Variants in PDE9A observed in about 807,000 individuals in gnomAD.
The protein encoded by PDE9A is high affinity cGMP-specific 3',5'-cyclic phosphodiesterase 9A.
PDE9A carries 60 observed loss-of-function variants against 87.4 expected under a neutral mutation model. The observed-to-expected ratio is 0.69, with a 90% CI of 0.56 to 0.85. The LOEUF is 0.85. Ranked by LOEUF, PDE9A falls within the 40% of genes least tolerant of loss-of-function variation. PDE9A has a pLI of 0.00. For synonymous variants in PDE9A, 272 were observed against 279.4 expected (o/e 0.97, Z 0.27); for missense variants, 665 against 779.0 (o/e 0.85, Z 1.74).
At chr21:42,724,592 G>C in intron 4 of PDE9A, 1 of 985,370 alleles carries the variant, frequency 1.0e-6, no homozygotes, top group South Asian at 4.7e-5. Context: ...TAAAGAGGCG[G>C]TTCCGTGAGC....
intron 8 of PDE9A, among the ~76,000 whole-genome samples, chr21:42,749,342 G>T (rs912976279): frequency 1.3e-5 from 2 of 152,086 alleles, no homozygotes; most frequent in African/African-American, 4.8e-5. Flanking sequence ...ACCCACCATC[G>T]TCCAAGTACA....
intron 10 of PDE9A, 150 bp downstream of exon 10, chr21:42,754,214 A>G: frequency 1.7e-6 from 1 of 596,406 alleles, no homozygotes; most frequent in Admixed American, 3.0e-5. Flanking sequence ...TTGTTTTGCC[A>G]GGTTTTAGTT....
At chr21:42,666,155 G>A (rs1350199103) in intron 1 of PDE9A, among the ~76,000 whole-genome samples, 1 of 152,056 alleles carries the variant, frequency 6.6e-6, no homozygotes. Flanking sequence ...GAGAGGGCGT[G>A]GTCATTCGTG....
chr21:42,678,583 G>T (rs2058982149), intron 1 of PDE9A, among the ~76,000 whole-genome samples: 1 of 152,230 alleles, frequency 6.6e-6, no homozygotes, highest in Admixed American at 6.5e-5. Flanking sequence ...GAAAGCAGAG[G>T]CTGGACATTG....
chr21:42,770,953 A>G (rs2056974785), intron 18 of PDE9A, among the ~76,000 whole-genome samples, 155 bp downstream of exon 18: 1 of 152,232 alleles, frequency 6.6e-6, no homozygotes, highest in Admixed American at 6.5e-5. Flanking sequence ...AGCCTGGCTC[A>G]GTAAAATTAG....
At chr21:42,680,609 T>C (rs1215292038) in intron 1 of PDE9A, among the ~76,000 whole-genome samples, 1 of 152,250 alleles carries the variant, frequency 6.6e-6, no homozygotes, top group Non-Finnish European at 1.5e-5. Context: ...CTGACAGGGC[T>C]GGGCCATGGC....
At chr21:42,699,336 C>T (rs2060313767) in intron 4 of PDE9A, among the ~76,000 whole-genome samples, 1 of 152,142 alleles carries the variant, frequency 6.6e-6, no homozygotes, top group African/African-American at 2.4e-5. Context: ...GGTCTATGGC[C>T]GTTCCATTGG....
At chr21:42,700,134 T>G (rs1039078725) in intron 4 of PDE9A, among the ~76,000 whole-genome samples, 1 of 152,204 alleles carries the variant, frequency 6.6e-6, no homozygotes, top group Non-Finnish European at 1.5e-5. Context: ...TGTACTCTTT[T>G]TGACTCAACA....
chr21:42,660,412 G>C lies in PDE9A; in HGVS notation c.69+6529G>C, dbSNP rs2057393493. On this transcript the variant is annotated intron_variant, in intron 1 of 19. Transcript: ENST00000291539. The surrounding 1 kb of genome is among the most constrained non-coding windows in gnomAD (Gnocchi z 4.7). ...TCAGTGCCTGGCTTGTGGAGGTTGA[G>C]ACCAAGGCCAGTTGGGTGCTTGCAT... is the stretch of plus-strand genomic sequence containing the variant. Among the ~76,000 whole-genome samples, 1 of 152,158 alleles carries C rather than the reference G, an allele frequency of 6.6e-6. No individual in the cohort carries two copies. The highest frequency in any genetic ancestry group is 2.4e-5 in the African/African-American group (1 of 41,430).
Position 42,760,935 on chromosome 21 carries a change from C to G in PDE9A, c.1085+28C>G. Reference sequence around the variant, plus strand: ...ATGTACAGGATTTTCTCTTTTTTTCCTTTTAAAAGGCACCCTGGCTACTGG... The same window carrying G: ...ATGTACAGGATTTTCTCTTTTTTTCGTTTTAAAAGGCACCCTGGCTACTGG... On this transcript the variant is annotated intron_variant, in intron 13 of 19. Coordinates refer to ENST00000291539, the MANE Select transcript of PDE9A (RefSeq NM_002606.3). The surrounding 1 kb of genome is among the most constrained non-coding windows in gnomAD (Gnocchi z 5.2). 1 of 1,483,590 alleles carries G rather than the reference C, an allele frequency of 6.7e-7. No individual in the cohort carries two copies. The highest frequency in any genetic ancestry group is 9.4e-7 in the Non-Finnish European group (1 of 1,061,178). 91.9% of individuals were successfully genotyped at this position (1,483,590 alleles called of 1,614,324 possible).
At chr21:42,686,067 G>T in intron 1 of PDE9A, 125 bp from the exon 2 acceptor site, 1 of 672,214 alleles carries the variant, frequency 1.5e-6, no homozygotes. Context: ...CCCGTGCGTA[G>T]AGTTACAGCT....
rs2146166324 is a variant in PDE9A at position 42,685,701 on chromosome 21, C to T, written c.70-491C>T. Among the ~76,000 whole-genome samples, 3 of 152,250 alleles carry T rather than the reference C, an allele frequency of 2.0e-5. No individual in the cohort carries two copies. The South Asian group carries it at 6.2e-4, about 32-fold the overall frequency. ...CAGGATGGTCTGGAACTCCTGATCT[C>T]AGGTGATCCACCCGCCTCTGCCTCC... On this transcript the variant is annotated intron_variant, in intron 1 of 19. Coordinates refer to ENST00000291539, the MANE Select transcript of PDE9A (RefSeq NM_002606.3).
In PDE9A at chr21:42,686,145, G is replaced by A. The variant is rs759286331; in HGVS notation, c.70-47G>A. The A allele has an allele frequency of 8.2e-5, 121 of 1,476,442 alleles. 1 individual carries two copies. The highest frequency in any genetic ancestry group is 5.1e-4 in the Middle Eastern group (3 of 5,846). The allele number at this position is 1,476,442 out of a possible 1,614,324, so 91.5% of individuals were successfully genotyped here. On this transcript the variant is annotated intron_variant, in intron 1 of 19. Coordinates refer to ENST00000291539, the MANE Select transcript of PDE9A (RefSeq NM_002606.3). ...GCACGTGGCGTCTGACGTCTCCAGGGAGACCCGCCGCCCTCGCTGCCGCCT... is the reference window on the plus strand; with the variant it reads ...GCACGTGGCGTCTGACGTCTCCAGGAAGACCCGCCGCCCTCGCTGCCGCCT...
At position 42,661,114 on chromosome 21, in the gene PDE9A, C is replaced by T. The variant is rs1054811719; in HGVS notation, c.69+7231C>T. Among the ~76,000 whole-genome samples, 6 of 151,786 alleles carry T rather than the reference C, an allele frequency of 4.0e-5. No individual in the cohort carries two copies. In the East Asian group the frequency reaches 7.7e-4, roughly 20 times the overall value. ...TGGCGTGATCTCGGCTCACTGCAAC[C>T]TCCGCCTCCCAGGTTCAAGGAATTC... On this transcript the variant is annotated intron_variant, in intron 1 of 19. Coordinates refer to ENST00000291539, the MANE Select transcript of PDE9A (RefSeq NM_002606.3).
chr21:42,698,291 C>A (rs1156371398), intron 3 of PDE9A, among the ~76,000 whole-genome samples: 1 of 152,208 alleles, frequency 6.6e-6, no homozygotes, highest in Admixed American at 6.5e-5. Flanking sequence ...CAAGGAATAG[C>A]ATCTGCCTGG....
chr21:42,753,010 TTTA>T (rs1001875074), intron 9 of PDE9A, among the ~76,000 whole-genome samples: 4 of 123,618 alleles, frequency 3.2e-5, no homozygotes, highest in South Asian at 3.5e-4. Flanking sequence ...TTGCCCTTTT[TTTA>T]TTATTATTTT....
At chr21:42,687,057 C>G (rs2146187405) in intron 2 of PDE9A, among the ~76,000 whole-genome samples, 1 of 152,266 alleles carries the variant, frequency 6.6e-6, no homozygotes, top group Non-Finnish European at 1.5e-5. Context: ...AGTTAATGTC[C>G]TAAATCAACA....
chr21:42,668,832 G>A (rs1272449087), intron 1 of PDE9A, among the ~76,000 whole-genome samples: 2 of 150,956 alleles, frequency 1.3e-5, no homozygotes, highest in African/African-American at 4.9e-5. Flanking sequence ...GGGTAGCCGT[G>A]TCCTGCGCAT....
intron 9 of PDE9A, 70 bp from the exon 10 acceptor site, chr21:42,753,920 T>G: frequency 4.4e-6 from 3 of 675,048 alleles, no homozygotes; most frequent in Non-Finnish European, 7.7e-6. Flanking sequence ...AGAGGAGAAA[T>G]ATCTCAGCAT....
Sources: allele counts gnomAD v4.1 joint callset (sites outside exome capture counted in the v4.1 genomes callset), GRCh38; gene constraint gnomAD v4.1.1; non-coding constraint Gnocchi (gnomAD v3.1); transcripts MANE v1.5; gene names NCBI Gene and HGNC (gene_info 2026-07-23, HGNC 2026-07-21).